Variants in ROBO2 observed in about 807,000 individuals in gnomAD.
ROBO2 encodes the protein roundabout homolog 2.
In ROBO2, 53 loss-of-function variants were observed where a neutral mutation model predicts 160.8. The observed-to-expected ratio is 0.33, with a 90% CI of 0.26 to 0.41. The LOEUF (loss-of-function observed/expected upper bound fraction) is 0.41, where lower values mean the gene tolerates loss of function less well. ROBO2 is among the 10% of genes least tolerant of loss of function. ROBO2 has a pLI of 1.00. For synonymous variants in ROBO2, 664 were observed against 611.7 expected (o/e 1.09, Z -1.26); for missense variants, 1,577 against 1,722.4 (o/e 0.92, Z 1.49).
chr3:76,506,003 T>C (rs184280373), intron 2 of ROBO2, among the ~76,000 whole-genome samples: 1 of 152,296 alleles, frequency 6.6e-6, no homozygotes, highest in East Asian at 1.9e-4. Context: ...AAAGCACTGA[T>C]GAAGGAACTG....
At chr3:76,342,306 C>T (rs898676466) in intron 2 of ROBO2, among the ~76,000 whole-genome samples, 13 of 152,122 alleles carry the variant, frequency 8.5e-5, no homozygotes, top group African/African-American at 2.4e-4. Context: ...AGAGAAGACA[C>T]GTGACTCTCA....
intron 2 of ROBO2, among the ~76,000 whole-genome samples, chr3:76,457,601 G>A (rs1027421471): frequency 6.6e-6 from 1 of 152,160 alleles, no homozygotes; most frequent in Admixed American, 6.5e-5. Context: ...AGCTCCACTA[G>A]GCAGTGCCCC....
At chr3:77,296,487 T>C (rs1010404742) in intron 2 of ROBO2, among the ~76,000 whole-genome samples, 1 of 152,280 alleles carries the variant, frequency 6.6e-6, no homozygotes, top group East Asian at 1.9e-4. Flanking sequence ...CCTCAGATGT[T>C]GGTTTTTTGT....
chr3:77,125,567 C>T (rs190889511), intron 2 of ROBO2, among the ~76,000 whole-genome samples: 47 of 152,192 alleles, frequency 3.1e-4, no homozygotes, highest in Middle Eastern at 3.4e-3. Flanking sequence ...AGAAGACAAA[C>T]GCTGACCAAG....
chr3:76,910,860 G>T (rs2075952133), intron 2 of ROBO2, among the ~76,000 whole-genome samples: 1 of 151,974 alleles, frequency 6.6e-6, no homozygotes, highest in Admixed American at 6.6e-5. Flanking sequence ...TTTTGAGGAG[G>T]GGCATATATC....
At chr3:76,347,831 A>C (rs1011885764) in intron 2 of ROBO2, among the ~76,000 whole-genome samples, 1 of 152,132 alleles carries the variant, frequency 6.6e-6, no homozygotes, top group African/African-American at 2.4e-5. Flanking sequence ...ATTTTTCCAC[A>C]AGTGGCCCCA....
At chr3:77,500,728 G>A (rs1393388874) in intron 5 of ROBO2, among the ~76,000 whole-genome samples, 1 of 152,170 alleles carries the variant, frequency 6.6e-6, no homozygotes, top group Non-Finnish European at 1.5e-5. Flanking sequence ...TAGTTTTCCT[G>A]TGTTTTCATC....
intron 1 of ROBO2, among the ~76,000 whole-genome samples, chr3:75,930,433 C>T (rs142992044): frequency 0.011 from 1,623 of 152,266 alleles, 18 homozygotes; most frequent in Non-Finnish European, 0.018. Context: ...CCCTGAGCTT[C>T]ATTTTCCCAC....
Position 76,574,928 on chromosome 3 carries a change from T to C in ROBO2, c.110-523086T>C, listed in dbSNP as rs368345160. Among the ~76,000 whole-genome samples the C allele has an allele frequency of 1.1e-4, 16 of 152,286 alleles. No homozygotes were observed. In the East Asian group the frequency reaches 3.1e-3, roughly 29 times the overall value. On this transcript the variant is annotated intron_variant, in intron 2 of 26. Coordinates refer to the ROBO2 transcript ENST00000487694. ...AAAACTGTCCTTCCTCTTTGAATGT[T>C]GATTGCCTTCTATCTAGCCTTTCAA...
chr3:76,204,756 T>C (rs905388115), intron 2 of ROBO2, among the ~76,000 whole-genome samples: 1 of 152,190 alleles, frequency 6.6e-6, no homozygotes, highest in Non-Finnish European at 1.5e-5. Context: ...TCTGAGTTCA[T>C]CTTGCAGATA....
intron 2 of ROBO2, among the ~76,000 whole-genome samples, chr3:76,925,938 A>T (rs1013548288): frequency 6.6e-6 from 1 of 152,184 alleles, no homozygotes; most frequent in Admixed American, 6.5e-5. Context: ...TTCCAAGATG[A>T]GTAAGTGGAA....
chr3:76,923,925 A>G (rs2076822393), intron 2 of ROBO2, among the ~76,000 whole-genome samples: 1 of 152,264 alleles, frequency 6.6e-6, no homozygotes, highest in Non-Finnish European at 1.5e-5. Context: ...TTCTTAACTC[A>G]TTGTTCGGAA....
intron 2 of ROBO2, among the ~76,000 whole-genome samples, chr3:76,397,980 T>C (rs2077566649): frequency 6.6e-6 from 1 of 152,112 alleles, no homozygotes; most frequent in Non-Finnish European, 1.5e-5. Flanking sequence ...ACTGGGTATA[T>C]ACCCAAAGGA....
intron 2 of ROBO2, among the ~76,000 whole-genome samples, chr3:77,437,661 G>A (rs539076518): frequency 1.3e-5 from 2 of 151,920 alleles, no homozygotes; most frequent in East Asian, 1.9e-4. Context: ...ATTATTCATC[G>A]TAAGCTTACA....
At chr3:77,274,450 A>G (rs2059697194) in intron 2 of ROBO2, among the ~76,000 whole-genome samples, 3 of 152,120 alleles carry the variant, frequency 2.0e-5, no homozygotes, top group Non-Finnish European at 2.9e-5. Flanking sequence ...ATTGGCATTT[A>G]AAACCAAAAA....
intron 2 of ROBO2, among the ~76,000 whole-genome samples, chr3:76,459,427 G>A (rs1480945768): frequency 6.6e-6 from 1 of 152,120 alleles, no homozygotes; most frequent in Non-Finnish European, 1.5e-5. Flanking sequence ...TTCTATTCAT[G>A]TATCAAAGAG....
At chr3:76,470,464 A>G (rs1163283934) in intron 2 of ROBO2, among the ~76,000 whole-genome samples, 2 of 152,064 alleles carry the variant, frequency 1.3e-5, no homozygotes, top group African/African-American at 2.4e-5. Flanking sequence ...TGGCTCACAC[A>G]TGACTCACTG....
At chr3:76,880,099 C>G (rs2073179765) in intron 2 of ROBO2, among the ~76,000 whole-genome samples, 1 of 152,070 alleles carries the variant, frequency 6.6e-6, no homozygotes, top group African/African-American at 2.4e-5. Context: ...AAATTTCTCC[C>G]CTCGAAGTGT....
At chr3:77,219,148 T>C (rs2151177101) in intron 2 of ROBO2, among the ~76,000 whole-genome samples, 1 of 151,830 alleles carries the variant, frequency 6.6e-6, no homozygotes, top group East Asian at 2.0e-4. Context: ...TTTGTATTTT[T>C]AGTAGAGATG....
Sources: allele counts gnomAD v4.1 joint callset (sites outside exome capture counted in the v4.1 genomes callset), GRCh38; gene constraint gnomAD v4.1.1; transcripts MANE v1.5; gene names NCBI Gene and HGNC (gene_info 2026-07-23, HGNC 2026-07-21).